The following ABCA1 variants were observed in gnomAD, a reference collection of about 807,000 sequenced individuals.
The protein encoded by ABCA1 is ATP binding cassette subfamily A member 1.
In ABCA1, 133 loss-of-function variants were observed where a neutral mutation model predicts 262.5. The ratio of observed to expected loss-of-function variants is 0.51; its 90% CI spans 0.44 to 0.59. The LOEUF (loss-of-function observed/expected upper bound fraction) is 0.59. ABCA1 is among the 20% of genes least tolerant of loss of function. The pLI, the probability that ABCA1 is intolerant of heterozygous loss-of-function variation, is 0.00. For missense variants in ABCA1, 2,452 were observed against 2,777.5 expected, an observed-to-expected ratio of 0.88 and a Z score of 2.63; for synonymous variants, 1,022 against 1,043.5, an observed-to-expected ratio of 0.98 and a Z score of 0.40.
In ABCA1 at chr9:104,903,697, C is replaced by A. The variant is rs1800978; in HGVS notation, c.-18G>T. On this transcript the variant is annotated 5_prime_UTR_variant, in exon 2 of 50. Coordinates refer to ENST00000374736, the MANE Select transcript of ABCA1 (RefSeq NM_005502.4). ...CAAGCCATGTTCCCTCAGCCAGCAC[C>A]CCCAGCGTGTGGCTCGGGAGCCCTG... 8 of 1,571,562 alleles carry A rather than the reference C, an allele frequency of 5.1e-6. No homozygotes were observed. The highest frequency in any genetic ancestry group is 1.9e-5 in the Admixed American group (1 of 53,276).
At chr9:104,914,902 C>T (rs1447200632) in intron 1 of ABCA1, among the ~76,000 whole-genome samples, 1 of 152,116 alleles carries the variant, frequency 6.6e-6, no homozygotes, top group East Asian at 1.9e-4. Context: ...GAAGCACATT[C>T]ATTTTCATTA....
In ABCA1 at chr9:104,825,793, T is replaced by C; in HGVS notation, c.2432A>G (p.Glu811Gly). ...GAAGCCATCTTCCTCCACAGGACTC[T>C]CAAACAGGTTGTCCCACTGCACTCC... is the stretch of plus-strand genomic sequence containing the variant. The part of the protein sequence containing the change: ...GIGVQWDNLF[E>G]SPVEEDGFNL... The change falls in exon 17 of 50, where the codon GAG (glutamate) becomes GGG (glycine). Residue 811 changes from glutamate to glycine, a missense_variant. Physicochemically the swap from Glu to Gly is moderately conservative, Grantham distance 98 (BLOSUM62 -2). Transcript: ENST00000374736. 1 of 1,614,178 alleles carries C rather than the reference T, an allele frequency of 6.2e-7. No homozygotes were observed. Among genetic ancestry groups the C allele is most frequent in the Middle Eastern group, 1.6e-4 (1 of 6,062 alleles).
At chr9:104,874,675 G>C (rs1202158689) in intron 5 of ABCA1, among the ~76,000 whole-genome samples, 1 of 152,204 alleles carries the variant, frequency 6.6e-6, no homozygotes, top group East Asian at 1.9e-4. Flanking sequence ...TGGATCAACA[G>C]GTCAGGAGTT....
intron 27 of ABCA1, 102 bp from the exon 28 acceptor site, chr9:104,812,824 G>A (rs1831396199): frequency 8.2e-6 from 12 of 1,460,586 alleles, no homozygotes; most frequent in East Asian, 6.8e-5. Flanking sequence ...GAAGGCATGT[G>A]TCTGAAGCTA....
chr9:104,913,865 G>A (rs910158593), intron 1 of ABCA1, among the ~76,000 whole-genome samples: 5 of 152,028 alleles, frequency 3.3e-5, no homozygotes, highest in African/African-American at 7.2e-5. Flanking sequence ...GCGCGATCTC[G>A]GCTCACTGCA....
rs1055214558 is a variant in ABCA1, at chr9:104,799,923, A to G, written c.4839T>C (p.Ile1613=). The change falls in exon 36 of 50, where the codon ATT becomes ATC. Residue 1613 remains isoleucine (I), a synonymous_variant. Coordinates refer to ENST00000374736, the MANE Select transcript of ABCA1 (RefSeq NM_005502.4). ...SSFLNVINNA[I]LRANLQKGEN... is the part of the protein sequence containing the mutation. ...CTCCCTTTTGCAGGTTGGCCCGGAG[A>G]ATGGCATTGTTGATGACATTCAGGA... 25 of 1,614,062 alleles carry G rather than the reference A, an allele frequency of 1.5e-5. No individual in the cohort carries two copies. The African/African-American group carries it at 3.1e-4, about 20-fold the overall frequency.
At chr9:104,882,028 T>TTAAAAAAAAAAAAAAAAAAAA (rs1838701856) in intron 5 of ABCA1, among the ~76,000 whole-genome samples, 1 of 73,748 alleles carries the variant, frequency 1.4e-5, no homozygotes. Flanking sequence ...TCTGTAGCCT[T>TTAAAAAAAAAAAAAAAAAAAA]AAAAAAAAAA....
chr9:104,814,870 T>G (rs1241908470), intron 25 of ABCA1, among the ~76,000 whole-genome samples: 1 of 152,092 alleles, frequency 6.6e-6, no homozygotes, highest in Admixed American at 6.6e-5. Flanking sequence ...TAGCACATGC[T>G]TGTAATCTCA....
At chr9:104,892,493 T>G (rs1839834283) in intron 2 of ABCA1, among the ~76,000 whole-genome samples, 1 of 152,106 alleles carries the variant, frequency 6.6e-6, no homozygotes, top group African/African-American at 2.4e-5. Flanking sequence ...TGAACTTTTC[T>G]CCCAGCTGAG....
chr9:104,910,563 T>G (rs1188022350), intron 1 of ABCA1, among the ~76,000 whole-genome samples: 1 of 152,214 alleles, frequency 6.6e-6, no homozygotes, highest in Non-Finnish European at 1.5e-5. Context: ...AGCTATTTCA[T>G]TAAACCTTAA....
chr9:104,863,429 T>C (rs1233168695), intron 5 of ABCA1, among the ~76,000 whole-genome samples: 1 of 152,136 alleles, frequency 6.6e-6, no homozygotes, highest in Non-Finnish European at 1.5e-5. Flanking sequence ...GAGGGCAAAC[T>C]TTGCAAACTG....
chr9:104,926,470 C>CAAAAAAAAAAA (rs781060719), intron 1 of ABCA1, among the ~76,000 whole-genome samples: 2 of 118,774 alleles, frequency 1.7e-5, no homozygotes, highest in Non-Finnish European at 1.8e-5. Context: ...ACCAAAAAAA[C>CAAAAAAAAAAA]AAAAAAAAAA....
chr9:104,787,297 A>C (rs1463227841), intron 46 of ABCA1, among the ~76,000 whole-genome samples: 1 of 152,164 alleles, frequency 6.6e-6, no homozygotes, highest in Non-Finnish European at 1.5e-5. Flanking sequence ...ATACAAAACA[A>C]CTTTTTGTCT....
At chr9:104,807,861 CACACACACACACACAT>C (rs1830916739) in intron 30 of ABCA1, among the ~76,000 whole-genome samples, 2 of 145,680 alleles carry the variant, frequency 1.4e-5, no homozygotes, top group Admixed American at 1.4e-4. Context: ...CACACACACA[CACACACACACACACAT>C]ATATATATTA....
intron 28 of ABCA1, among the ~76,000 whole-genome samples, 161 bp from the exon 29 acceptor site, chr9:104,811,085 T>C (rs1046921945): frequency 5.3e-5 from 8 of 152,236 alleles, no homozygotes; most frequent in Admixed American, 2.6e-4. Flanking sequence ...CAAGGCATTC[T>C]TGGCAGCTGG....
In ABCA1 at chr9:104,827,002, G is replaced by A. The variant is rs201076284; in HGVS notation, c.2283C>T (p.Tyr761=). 7.8e-5 allele frequency: 126 copies of A among 1,614,196 alleles called. No individual in the cohort carries two copies. The highest frequency in any genetic ancestry group is 3.3e-4 in the Middle Eastern group (2 of 6,054). ...GIIYFTLYLP[Y]VLCVAWQDYV... ...AGTCCTGCCATGCCACACACAGGACGTAGGGCAGGTACAGCGTGAAGTAGA... is the reference window on the plus strand; with the variant it reads ...AGTCCTGCCATGCCACACACAGGACATAGGGCAGGTACAGCGTGAAGTAGA... The change falls in exon 16 of 50, where the codon TAC becomes TAT. Residue 761 remains tyrosine (Y), a synonymous_variant. Coordinates refer to ENST00000374736, the MANE Select transcript of ABCA1 (RefSeq NM_005502.4).
Position 104,792,887 on chromosome 9 carries a change from A to G in ABCA1, c.5656T>C (p.Ser1886Pro), listed in dbSNP as rs1829546834. The G allele has an allele frequency of 6.2e-7, 1 of 1,614,076 alleles. No individual in the cohort carries two copies. The highest frequency in any genetic ancestry group is 8.5e-7 in the Non-Finnish European group (1 of 1,180,008). Residue 1886 changes from serine to proline, a missense_variant, in exon 42 of 50, where the codon TCT (serine) becomes CCT (proline). Physicochemically the swap from Ser to Pro is moderately conservative, Grantham distance 74. Around this residue, in one of 4 missense-constraint regions of ABCA1, gnomAD observed 752 missense variants for 944.5 expected, o/e 0.80. Coordinates refer to ENST00000374736, the MANE Select transcript of ABCA1 (RefSeq NM_005502.4). ...TCTTCATCTTCATCATTCAGAGGAG[A>G]TAGCTTTGCATTTACAGGTCTTGGG... Reference protein sequence around the residue: ...IRPRPVNAKLSPLNDEDEDVR... With the variant: ...IRPRPVNAKLPPLNDEDEDVR...
intron 17 of ABCA1, 50 bp from the exon 18 acceptor site, chr9:104,824,628 C>T (rs1329642106): frequency 6.2e-7 from 1 of 1,603,878 alleles, no homozygotes; most frequent in Non-Finnish European, 8.5e-7. Flanking sequence ...TCCCAGTATT[C>T]TGAGGGTTTC....
intron 1 of ABCA1, among the ~76,000 whole-genome samples, chr9:104,924,794 T>C (rs565120719): frequency 1.3e-5 from 2 of 152,212 alleles, no homozygotes; most frequent in Admixed American, 1.3e-4. Context: ...TTGTAGCCAC[T>C]ACATATATAG....
Sources: gnomAD v4.1 joint callset for allele counts (sites outside exome capture counted in the v4.1 genomes callset) on GRCh38, gnomAD v4.1.1 for gene constraint, gnomAD v4.1.1 regional missense constraint, MANE v1.5 for transcripts, NCBI Gene and HGNC (gene_info 2026-07-23, HGNC 2026-07-21) for gene names.